Variants in CAPN13 observed in about 807,000 individuals in gnomAD.
CAPN13 encodes the protein calpain-13.
A neutral mutation model predicts 98.4 loss-of-function variants in CAPN13; 90 were observed. The observed-to-expected ratio is 0.92, with a 90% CI of 0.77 to 1.09. The LOEUF (loss-of-function observed/expected upper bound fraction) is 1.09. Ranked by LOEUF, CAPN13 falls within the 50% of genes least tolerant of loss-of-function variation. The pLI is 0.00. For missense variants in CAPN13, 887 were observed against 841.3 expected (o/e 1.05, Z -0.67); for synonymous variants, 330 against 305.5 (o/e 1.08, Z -0.84).
At chr2:30,756,813 C>T (rs1572825299) in intron 8 of CAPN13, among the ~76,000 whole-genome samples, 1 of 152,152 alleles carries the variant, frequency 6.6e-6, no homozygotes, top group Admixed American at 6.5e-5. Flanking sequence ...GCCCGATTCT[C>T]GCAGGGGCAT....
At chr2:30,788,697 A>C (rs1674454260) in intron 1 of CAPN13, among the ~76,000 whole-genome samples, 1 of 152,244 alleles carries the variant, frequency 6.6e-6, no homozygotes, top group Non-Finnish European at 1.5e-5. Flanking sequence ...ACTCATAATC[A>C]AAATTTTGAA....
At chr2:30,785,965 C>A (rs953651347) in intron 2 of CAPN13, among the ~76,000 whole-genome samples, 1 of 152,158 alleles carries the variant, frequency 6.6e-6, no homozygotes, top group African/African-American at 2.4e-5. Context: ...AAGCAGCATC[C>A]CAAACCCTAC....
At chr2:30,743,860 G>C (rs1243353775) in intron 12 of CAPN13, 1 of 551,584 alleles carries the variant, frequency 1.8e-6, no homozygotes, top group East Asian at 3.6e-5. Flanking sequence ...TTCTCTCCCT[G>C]CTTATATAGA....
intron 10 of CAPN13, 149 bp downstream of exon 10, chr2:30,752,904 G>A (rs986948708): frequency 1.4e-5 from 12 of 829,742 alleles, no homozygotes; most frequent in South Asian, 5.0e-5. Context: ...AGGAGCAGTC[G>A]CTGTCTCTTC....
intron 12 of CAPN13, among the ~76,000 whole-genome samples, chr2:30,744,580 A>C (rs1438030831): frequency 2.6e-5 from 4 of 152,150 alleles, no homozygotes; most frequent in Non-Finnish European, 4.4e-5. Flanking sequence ...TGTGGGCAGC[A>C]TGCCTCCTAT....
At chr2:30,752,996 C>T (rs1672255464) in intron 10 of CAPN13, 57 bp downstream of exon 10, 1 of 1,596,670 alleles carries the variant, frequency 6.3e-7, no homozygotes, top group Non-Finnish European at 8.6e-7. Flanking sequence ...CATGCAAGGG[C>T]TGGGCTGGGG....
chr2:30,763,580 CAT>C (rs747446817), intron 6 of CAPN13, among the ~76,000 whole-genome samples: 26 of 152,226 alleles, frequency 1.7e-4, no homozygotes, highest in Non-Finnish European at 3.1e-4. Flanking sequence ...TCAAAGCCCA[CAT>C]GTTTCAAGAT....
At chr2:30,783,768 C>T (rs113189167) in intron 2 of CAPN13, among the ~76,000 whole-genome samples, 271 of 152,308 alleles carry the variant, frequency 1.8e-3, no homozygotes, top group African/African-American at 5.9e-3. Flanking sequence ...TGGCCTAAAA[C>T]ACCTTGGTGC....
At chr2:30,794,061 T>G (rs1403302179) in intron 1 of CAPN13, among the ~76,000 whole-genome samples, 1 of 151,508 alleles carries the variant, frequency 6.6e-6, no homozygotes, top group Non-Finnish European at 1.5e-5. Flanking sequence ...GAAAAAAAAT[T>G]GATAAATTAG....
At chr2:30,806,803 A>T (rs1166519469) in intron 1 of CAPN13, among the ~76,000 whole-genome samples, 1 of 152,186 alleles carries the variant, frequency 6.6e-6, no homozygotes, top group Non-Finnish European at 1.5e-5. Flanking sequence ...ATTAACCCAG[A>T]GTTGTCAACT....
At chr2:30,796,080 T>C (rs1674841293) in intron 1 of CAPN13, among the ~76,000 whole-genome samples, 1 of 150,534 alleles carries the variant, frequency 6.6e-6, no homozygotes, top group Non-Finnish European at 1.5e-5. Flanking sequence ...TTCCCTCCCT[T>C]TTCCTTTCTT....
chr2:30,736,846 C>T (rs11904274), intron 17 of CAPN13, among the ~76,000 whole-genome samples: 1,679 of 152,340 alleles, frequency 0.011, 17 homozygotes, highest in Middle Eastern at 0.034. Flanking sequence ...GTCTAGAACA[C>T]GGCCTTCACC....
At chr2:30,765,149 C>T (rs2148025679) in intron 5 of CAPN13, among the ~76,000 whole-genome samples, 1 of 152,344 alleles carries the variant, frequency 6.6e-6, no homozygotes, top group Non-Finnish European at 1.5e-5. Flanking sequence ...AGAGGGTGGC[C>T]TGATCAGTCA....
chr2:30,781,322 T>C (rs1673973081), intron 2 of CAPN13, among the ~76,000 whole-genome samples: 1 of 152,252 alleles, frequency 6.6e-6, no homozygotes, highest in Non-Finnish European at 1.5e-5. Context: ...GAGATGGACT[T>C]GGCCTTTGAG....
intron 3 of CAPN13, among the ~76,000 whole-genome samples, chr2:30,776,767 C>G (rs1043642918): frequency 1.3e-5 from 2 of 152,096 alleles, no homozygotes; most frequent in Non-Finnish European, 2.9e-5. Flanking sequence ...CTAACATGAT[C>G]AATTTGTCTT....
intron 5 of CAPN13, among the ~76,000 whole-genome samples, chr2:30,767,339 T>C (rs1168661992): frequency 6.6e-6 from 1 of 152,172 alleles, no homozygotes; most frequent in African/African-American, 2.4e-5. Flanking sequence ...GTTTGAGACA[T>C]TGTATCCTCT....
At chr2:30,729,189 A>G (rs1395967030) in intron 22 of CAPN13, among the ~76,000 whole-genome samples, 3 of 152,196 alleles carry the variant, frequency 2.0e-5, no homozygotes, top group Non-Finnish European at 2.9e-5. Flanking sequence ...CCTGCCTCCA[A>G]TTCTGTAAAG....
At position 30,730,769 on chromosome 2, in the gene CAPN13, C is replaced by G. The variant is rs1404876251; in HGVS notation, c.2001G>C (p.Met667Ile). 1 of 780,930 alleles carries G rather than the reference C, an allele frequency of 1.3e-6. No individual in the cohort carries two copies. Among genetic ancestry groups the G allele is most frequent in the Non-Finnish European group, 2.4e-6 (1 of 417,994 alleles). The allele number at this position is 780,930 out of a possible 1,614,324, so 48.4% of individuals were successfully genotyped here. The change falls in exon 22 of 23, where the codon ATG becomes ATC. Residue 667 changes from methionine to isoleucine, a missense_variant. Met to Ile is a conservative substitution (Grantham distance 10). Coordinates refer to ENST00000295055, the MANE Select transcript of CAPN13 (RefSeq NM_144575.3). The part of the protein sequence containing the change: ...LTEMEWMSLV[M>I]YN The stretch of plus-strand genomic sequence containing the variant: ...TGCTTTCCTCTTTGCTTCAGTTGTA[C>G]ATGACCAGGCTCATCCACTGAAAAA...
At chr2:30,733,587 C>G (rs1156548171) in intron 19 of CAPN13, among the ~76,000 whole-genome samples, 2 of 151,964 alleles carry the variant, frequency 1.3e-5, no homozygotes, top group African/African-American at 2.4e-5. Context: ...CCACCCACAC[C>G]CCCTGATCAG....
Sources: allele counts gnomAD v4.1 joint callset (sites outside exome capture counted in the v4.1 genomes callset), GRCh38; gene constraint gnomAD v4.1.1; transcripts MANE v1.5; gene names NCBI Gene and HGNC (gene_info 2026-07-23, HGNC 2026-07-21).